The following GCKR variants were observed in gnomAD, a reference collection of about 807,000 sequenced individuals.
The protein encoded by GCKR is glucokinase regulatory protein.
Under a neutral mutation model 82.9 loss-of-function variants are expected in GCKR, and 73 were observed. That is an observed-to-expected ratio of 0.88 (90% confidence interval 0.73 to 1.07). GCKR has a LOEUF of 1.07. Ranked by LOEUF, GCKR falls within the 50% of genes least tolerant of loss-of-function variation. The pLI, the probability that GCKR is intolerant of heterozygous loss-of-function variation, is 0.00. For synonymous variants in GCKR, 294 were observed against 291.8 expected (o/e 1.01, Z -0.08); for missense variants, 784 against 782.1 (o/e 1.00, Z -0.03).
Position 27,518,040 on chromosome 2 carries a change from T to C in GCKR, c.1423-748T>C, listed in dbSNP as rs779181096. 9.5e-4 allele frequency among the ~76,000 whole-genome samples: 144 copies of C among 152,346 alleles called. 1 individual carries two copies. Among genetic ancestry groups the C allele is most frequent in the Non-Finnish European group, 1.8e-3 (121 of 68,030 alleles). On this transcript the variant is annotated intron_variant, in intron 16 of 18. Transcript: ENST00000264717. ...AGAAAAATTAAATAGAATTCATTTT[T>C]CAACAAACATTTTTTTTTCCCCTGA...
chr2:27,497,770 T>C, intron 3 of GCKR, 140 bp downstream of exon 3: 1 of 674,924 alleles, frequency 1.5e-6, no homozygotes, highest in Non-Finnish European at 2.7e-6. Context: ...CTTATTTTCA[T>C]CTTATTAATA....
chr2:27,509,100 T>C (rs1669818393), intron 16 of GCKR, among the ~76,000 whole-genome samples: 1 of 152,116 alleles, frequency 6.6e-6, no homozygotes. Flanking sequence ...CAATTTTACA[T>C]CTCTGGTTCT....
intron 16 of GCKR, among the ~76,000 whole-genome samples, chr2:27,517,358 G>C (rs1670036129): frequency 6.6e-6 from 1 of 152,100 alleles, no homozygotes; most frequent in Non-Finnish European, 1.5e-5. Context: ...CAGCATGGCT[G>C]GGGAGGCCTC....
chr2:27,523,261 C>T lies in GCKR; in HGVS notation c.1708-8C>T. 2 of 1,611,150 alleles carry T rather than the reference C, an allele frequency of 1.2e-6. No homozygotes were observed. The highest frequency in any genetic ancestry group is 8.5e-7 in the Non-Finnish European group (1 of 1,178,814). ...CAGGCTTCAGTGCCCACTGCCTCTT[C>T]CCCACAGGTGATACCCATCGCCTTG... is the stretch of plus-strand genomic sequence containing the variant. On this transcript the variant is annotated splice_polypyrimidine_tract_variant and splice_region_variant and intron_variant, in intron 18 of 18. Coordinates refer to ENST00000264717, the MANE Select transcript of GCKR (RefSeq NM_001486.4).
At chr2:27,514,101 C>T (rs776558707) in intron 16 of GCKR, among the ~76,000 whole-genome samples, 18 of 152,032 alleles carry the variant, frequency 1.2e-4, no homozygotes, top group Admixed American at 4.6e-4. Context: ...AACCCAAATG[C>T]TAGGTATGTT....
chr2:27,512,275 C>A (rs1305427066), intron 16 of GCKR, among the ~76,000 whole-genome samples: 1 of 141,722 alleles, frequency 7.1e-6, no homozygotes, highest in South Asian at 2.3e-4. Context: ...TGGTGGCTCA[C>A]GCCTACAATC....
At chr2:27,512,278 C>T (rs908133621) in intron 16 of GCKR, among the ~76,000 whole-genome samples, 26 of 148,034 alleles carry the variant, frequency 1.8e-4, no homozygotes, top group African/African-American at 6.2e-4. Context: ...TGGCTCACGC[C>T]TACAATCCCA....
In GCKR at chr2:27,507,333, G is replaced by C. The variant is rs781689633; in HGVS notation, c.1143+22G>C. ...CCAGGTCGGAGAAGAACAGGACTTG[G>C]GGAAGCTGGGGAGACCACTAGTGTG... On this transcript the variant is annotated intron_variant, in intron 13 of 18. Coordinates refer to ENST00000264717, the MANE Select transcript of GCKR (RefSeq NM_001486.4). 4 of 1,469,656 alleles carry C rather than the reference G, an allele frequency of 2.7e-6. No individual in the cohort carries two copies. The African/African-American group carries it at 5.5e-5, about 20-fold the overall frequency. The allele number at this position is 1,469,656 out of a possible 1,614,324, so 91.0% of individuals were successfully genotyped here. A position where few individuals can be genotyped will look rare whatever the true frequency, so the allele number is the denominator to read the frequency against.
chr2:27,508,039 G>A lies in GCKR; in HGVS notation c.1303G>A (p.Ala435Thr). ...GAAAGAGAAGACCAACCACATCCAGGCCCTGGCACACAGCACCGTGGGTCA... is the reference window on the plus strand; with the variant it reads ...GAAAGAGAAGACCAACCACATCCAGACCCTGGCACACAGCACCGTGGGTCA... ...QVKEKTNHIQ[A>T]LAHSTVGQTL... Residue 435 changes from alanine (A) to threonine (T), a missense_variant, in exon 15 of 19, where the codon GCC becomes ACC. Physicochemically the swap from Ala to Thr is moderately conservative, Grantham distance 58. Coordinates refer to ENST00000264717, the MANE Select transcript of GCKR (RefSeq NM_001486.4). The A allele has an allele frequency of 3.1e-6, 5 of 1,613,824 alleles. No homozygotes were observed. Among genetic ancestry groups the A allele is most frequent in the Non-Finnish European group, 4.2e-6 (5 of 1,179,784 alleles).
At chr2:27,504,763 C>T (rs1449582589) in intron 9 of GCKR, among the ~76,000 whole-genome samples, 1 of 152,140 alleles carries the variant, frequency 6.6e-6, no homozygotes, top group Non-Finnish European at 1.5e-5. Flanking sequence ...AAGCATATGA[C>T]ATGTGGTATT....
Position 27,498,817 on chromosome 2 carries a change from G to A in GCKR, c.428+20G>A, listed in dbSNP as rs1234755126. On this transcript the variant is annotated intron_variant, in intron 5 of 18. Transcript: ENST00000264717. ...TGACAGGTAAGCCAAGTTAGCCTAT[G>A]AATATTTTGTTTGACCTAAATAGTA... 5 of 1,452,904 alleles carry A rather than the reference G, an allele frequency of 3.4e-6. No individual in the cohort carries two copies. The highest frequency in any genetic ancestry group is 4.5e-5 in the East Asian group (2 of 44,172). 90.0% of individuals were successfully genotyped at this position (1,452,904 alleles called of 1,614,324 possible).
intron 16 of GCKR, among the ~76,000 whole-genome samples, chr2:27,512,120 T>A (rs902482088): frequency 6.8e-6 from 1 of 148,020 alleles, no homozygotes; most frequent in African/African-American, 2.5e-5. Flanking sequence ...GGACCTGTAA[T>A]CACAACTACT....
At chr2:27,512,738 C>T (rs1412933024) in intron 16 of GCKR, among the ~76,000 whole-genome samples, 1 of 151,998 alleles carries the variant, frequency 6.6e-6, no homozygotes, top group African/African-American at 2.4e-5. Context: ...TTTTTATTTC[C>T]CAGATCCAGG....
chr2:27,507,284 T>C lies in GCKR; in HGVS notation c.1116T>C (p.Phe372=), dbSNP rs1669772150. 6.2e-7 allele frequency: 1 copy of C among 1,612,442 alleles called. No individual in the cohort carries two copies. The change falls in exon 13 of 19, where the codon TTT becomes TTC. Residue 372 remains phenylalanine (F), a synonymous_variant. Transcript: ENST00000264717. ...TCATTGGTGATCACAGTGACATGTT[T>C]AACCAGAAGGCTGAGCTCACCAACC... ...GFLIGDHSDM[F]NQKAELTNQG...
In GCKR at chr2:27,507,195, T is replaced by G. The variant is rs747672897; in HGVS notation, c.1067-40T>G. The G allele has an allele frequency of 2.2e-6, 3 of 1,359,090 alleles. No homozygotes were observed. The East Asian group carries it at 6.9e-5, about 31-fold the overall frequency. 84.2% of individuals were successfully genotyped at this position (1,359,090 alleles called of 1,614,324 possible). On this transcript the variant is annotated intron_variant, in intron 12 of 18. Coordinates refer to ENST00000264717, the MANE Select transcript of GCKR (RefSeq NM_001486.4). ...AAGCCTAGAACCTTCCTTTCCTATA[T>G]AGCCAATCACTCCTCTCTCCTTGTT... is the stretch of plus-strand genomic sequence containing the variant.
chr2:27,520,003 G>A lies in GCKR; in HGVS notation c.1572+1066G>A, dbSNP rs145021627. ...TCATGAAAATGGGGTCGCCAGATTC[G>A]GCAAATAAAAATACAGGACGCCCAG... On this transcript the variant is annotated intron_variant, in intron 17 of 18. Transcript: ENST00000264717. Among the ~76,000 whole-genome samples, 401 of 151,732 alleles carry A rather than the reference G, an allele frequency of 2.6e-3. 2 individuals are homozygous for A. Among genetic ancestry groups the A allele is most frequent in the Non-Finnish European group, 4.5e-3 (309 of 67,944 alleles).
intron 10 of GCKR, among the ~76,000 whole-genome samples, chr2:27,506,093 C>T (rs1321742197): frequency 2.0e-5 from 3 of 152,158 alleles, no homozygotes; most frequent in African/African-American, 7.2e-5. Context: ...GCCTCCAAAG[C>T]TAGCCTGGCT....
chr2:27,507,635 TAG>T, intron 13 of GCKR, 44 bp from the exon 14 acceptor site: 1 of 1,008,690 alleles, frequency 9.9e-7, no homozygotes, highest in South Asian at 1.3e-5. Flanking sequence ...GTCTGTGCTT[TAG>T]AGTGTTTTCA....
chr2:27,497,658 TA>T, intron 3 of GCKR, 28 bp downstream of exon 3: 1 of 1,407,360 alleles, frequency 7.1e-7, no homozygotes, highest in Non-Finnish European at 1.0e-6. Flanking sequence ...GTTCCCTGCC[TA>T]AACTTTTCTG....
Sources: gnomAD v4.1 joint callset for allele counts (sites outside exome capture counted in the v4.1 genomes callset) on GRCh38, gnomAD v4.1.1 for gene constraint, MANE v1.5 for transcripts, NCBI Gene and HGNC (gene_info 2026-07-23, HGNC 2026-07-21) for gene names.